Variants in KCNH2 observed in about 807,000 individuals in gnomAD.
KCNH2 encodes the protein voltage-gated inwardly rectifying potassium channel KCNH2.
In KCNH2, 35 loss-of-function variants were observed where a neutral mutation model predicts 95.9. That is an observed-to-expected ratio of 0.37 (90% CI 0.28 to 0.48). KCNH2 has a LOEUF of 0.48. Among genes scored for constraint, KCNH2 ranks in the 20% least tolerant of loss-of-function variants. The pLI, the probability that KCNH2 is intolerant of heterozygous loss-of-function variation, is 0.99. For missense variants in KCNH2, 1,274 were observed against 1,702.9 expected (o/e 0.75, Z 4.43); for synonymous variants, 786 against 754.7 (o/e 1.04, Z -0.68).
chr7:150,965,540 T>C (rs1296736280), intron 2 of KCNH2, among the ~76,000 whole-genome samples: 1 of 152,056 alleles, frequency 6.6e-6, no homozygotes, highest in African/African-American at 2.4e-5. Flanking sequence ...TCCCGGGCAG[T>C]TGCGCCCCAG....
chr7:150,956,294 G>T (rs1346430620), intron 5 of KCNH2, among the ~76,000 whole-genome samples: 2 of 152,314 alleles, frequency 1.3e-5, no homozygotes, highest in East Asian at 3.9e-4. Context: ...TGGAGTCAAG[G>T]CCAGTGGGCT....
Position 150,951,222 on chromosome 7 carries a change from C to T in KCNH2, c.1946-102G>A, listed in dbSNP as rs1039561682. On this transcript the variant is annotated intron_variant, in intron 7 of 14. Coordinates refer to ENST00000262186, the MANE Select transcript of KCNH2 (RefSeq NM_000238.4). Reference sequence around the variant, plus strand: ...CACCAGGTCAGTGTCTCAGTCTCAGCGTCGACATGCCCACGAGACGCCCTT... The same window carrying T: ...CACCAGGTCAGTGTCTCAGTCTCAGTGTCGACATGCCCACGAGACGCCCTT... 27 of 1,106,668 alleles carry T rather than the reference C, an allele frequency of 2.4e-5. No individual in the cohort carries two copies. In the Admixed American group the frequency reaches 4.0e-4, roughly 17 times the overall value. The allele number at this position is 1,106,668 out of a possible 1,614,324, so 68.6% of individuals were successfully genotyped here.
chr7:150,974,594 C>G (rs936681300), intron 2 of KCNH2, 117 bp downstream of exon 2: 1 of 875,772 alleles, frequency 1.1e-6, no homozygotes, highest in Non-Finnish European at 1.7e-6. Context: ...TGCCCGGGCT[C>G]GGGGCGTTCT....
intron 1 of KCNH2, 120 bp from the exon 2 acceptor site, chr7:150,975,061 G>A (rs1213289902): frequency 3.0e-5 from 24 of 797,974 alleles, no homozygotes; most frequent in African/African-American, 6.7e-5. Flanking sequence ...AGGAAGCATG[G>A]CTGGGACTGG....
intron 2 of KCNH2, 146 bp from the exon 3 acceptor site, chr7:150,959,882 T>A: frequency 1.1e-6 from 1 of 908,860 alleles, no homozygotes; most frequent in South Asian, 1.4e-5. Flanking sequence ...CCCGTCCTGA[T>A]CCCCCACCCG....
chr7:150,953,649 CCGGTGACAGCAGGCACGTCCCT>C (rs1468005211), intron 5 of KCNH2, among the ~76,000 whole-genome samples: 1 of 152,178 alleles, frequency 6.6e-6, no homozygotes, highest in Non-Finnish European at 1.5e-5. Context: ...CCATCCGGAC[CCGGTGACAGCAGGCACGTCCCT>C]CTTGCTCCCA....
At chr7:150,957,627 C>T (rs551498846) in intron 4 of KCNH2, 125 bp from the exon 5 acceptor site, 17 of 743,144 alleles carry the variant, frequency 2.3e-5, no homozygotes, top group Non-Finnish European at 3.6e-5. Flanking sequence ...GCTCAAGAGA[C>T]CAGGGGAGTC....
intron 5 of KCNH2, among the ~76,000 whole-genome samples, chr7:150,954,101 C>CG (rs1163978031): frequency 6.6e-6 from 1 of 152,176 alleles, no homozygotes; most frequent in Non-Finnish European, 1.5e-5. Flanking sequence ...GGGCCTCCAG[C>CG]GGTACCAGAT....
intron 8 of KCNH2, among the ~76,000 whole-genome samples, chr7:150,950,702 G>A (rs968917183): frequency 5.9e-5 from 9 of 152,278 alleles, no homozygotes; most frequent in East Asian, 5.8e-4. Flanking sequence ...TAACCCCATC[G>A]CCTATGTGAC....
At chr7:150,976,014 G>A (rs1011122205) in intron 1 of KCNH2, among the ~76,000 whole-genome samples, 2 of 152,264 alleles carry the variant, frequency 1.3e-5, no homozygotes, top group Non-Finnish European at 2.9e-5. Context: ...CGGAGAGCCA[G>A]GCTGGCGAGT....
chr7:150,958,022 G>T (rs1391860176), intron 4 of KCNH2, 37 bp downstream of exon 4: 5 of 1,267,728 alleles, frequency 3.9e-6, no homozygotes, highest in Non-Finnish European at 5.0e-6. Flanking sequence ...CAGAAGAAGC[G>T]TGGGCTGGGG....
chr7:150,947,301 C>A, intron 13 of KCNH2, 27 bp downstream of exon 13: 1 of 1,523,422 alleles, frequency 6.6e-7, no homozygotes, highest in Non-Finnish European at 8.8e-7. Flanking sequence ...CAGGGCGTGC[C>A]CCCCCACCCC....
rs1206481242 is a variant in KCNH2, at chr7:150,946,469, C to A, written c.3330+408G>T. 6.6e-6 allele frequency among the ~76,000 whole-genome samples: 1 copy of A among 152,198 alleles called. No homozygotes were observed. The highest frequency in any genetic ancestry group is 2.4e-5 in the African/African-American group (1 of 41,444). ...GGACCCGGGACCCTGTCCCTAGATA[C>A]TCTGGTATGCAGCCTCCACCGCCAC... On this transcript the variant is annotated intron_variant, in intron 14 of 14. Coordinates refer to ENST00000262186, the MANE Select transcript of KCNH2 (RefSeq NM_000238.4). The surrounding 1 kb of genome is among the most constrained non-coding windows in gnomAD (Gnocchi z 6.5).
chr7:150,958,177 G>T lies in KCNH2; in HGVS notation c.798C>A (p.Ser266Arg). The T allele has an allele frequency of 7.4e-7, 1 of 1,355,664 alleles. No individual in the cohort carries two copies. Among genetic ancestry groups the T allele is most frequent in the Non-Finnish European group, 9.5e-7 (1 of 1,056,388 alleles). 84.0% of individuals were successfully genotyped at this position (1,355,664 alleles called of 1,614,324 possible). A position where few individuals can be genotyped will look rare whatever the true frequency, so the allele number is the denominator to read the frequency against. The stretch of plus-strand genomic sequence containing the variant: ...TTTCTCGGGAGCGCGTCCGGGCCAG[G>T]CTGCAGCTGGAGCCCGAGGCGTCGG... ...LNPDASGSSC[S>R]LARTRSRESC... The change falls in exon 4 of 15, where the codon AGC becomes AGA. Residue 266 changes from serine (S) to arginine (R), a missense_variant. Transcript: ENST00000262186.
Position 150,947,728 on chromosome 7 carries a change from C to A in KCNH2, c.2843G>T (p.Arg948Leu). 6.4e-7 allele frequency: 1 copy of A among 1,565,006 alleles called. No homozygotes were observed. The highest frequency in any genetic ancestry group is 8.6e-7 in the Non-Finnish European group (1 of 1,158,134). The change falls in exon 12 of 15, where the codon CGC becomes CTC. Residue 948 changes from arginine (R) to leucine (L), a missense_variant. Physicochemically the swap from Arg to Leu is moderately radical, Grantham distance 102. Coordinates refer to ENST00000262186, the MANE Select transcript of KCNH2 (RefSeq NM_000238.4). ...PESSEDEGPG[R>L]SSSPLRLVPF... ...CACCAGGCGGAGGGGGCTGGAGCTG[C>A]GGCCTGGGCCCTCATCCTCACTGCT...
At position 150,952,336 on chromosome 7, in the gene KCNH2, C is replaced by G. The variant is rs922682953; in HGVS notation, c.1557+89G>C. ...TCTCTCTCTCTCTCTTTTTCTCTGT[C>G]CTCCTCGCCACCCCCTCCACCCCAC... On this transcript the variant is annotated intron_variant, in intron 6 of 14. Coordinates refer to ENST00000262186, the MANE Select transcript of KCNH2 (RefSeq NM_000238.4). This position sits in a 1 kb window ranked among gnomAD's most constrained non-coding sequence, Gnocchi z 7.3. The G allele has an allele frequency of 5.7e-6, 7 of 1,238,912 alleles. No individual in the cohort carries two copies. Among genetic ancestry groups the G allele is most frequent in the Non-Finnish European group, 8.0e-6 (7 of 870,704 alleles). 76.7% of individuals were successfully genotyped at this position (1,238,912 alleles called of 1,614,324 possible).
intron 5 of KCNH2, among the ~76,000 whole-genome samples, chr7:150,954,284 A>C (rs543656213): frequency 6.6e-6 from 1 of 152,070 alleles, no homozygotes; most frequent in East Asian, 1.9e-4. Context: ...AAAAAAAAGA[A>C]AACACTGGCC....
chr7:150,969,691 A>C (rs1057425880), intron 2 of KCNH2, among the ~76,000 whole-genome samples: 9 of 152,304 alleles, frequency 5.9e-5, no homozygotes, highest in African/African-American at 2.2e-4. Flanking sequence ...CAGATACAAC[A>C]GAGAACAAAG....
Position 150,947,631 on chromosome 7 carries a change from G to C in KCNH2, c.2940C>G (p.Ser980Arg). The C allele has an allele frequency of 6.2e-7, 1 of 1,612,502 alleles. No individual in the cohort carries two copies. Among genetic ancestry groups the C allele is most frequent in the South Asian group, 1.1e-5 (1 of 90,796 alleles). Residue 980 changes from serine to arginine, a missense_variant, in exon 12 of 15, where the codon AGC (serine) becomes AGG (arginine). Around this residue, in one of 7 missense-constraint regions of KCNH2, gnomAD observed 457 missense variants for 416.1 expected, o/e 1.10. Transcript: ENST00000262186. ...CTGACAGGGGGTTGCAAGTGTCGCTGCTCTTCTCGCAGTCCTCCATCAGGG... is the reference window on the plus strand; with the variant it reads ...CTGACAGGGGGTTGCAAGTGTCGCTCCTCTTCTCGCAGTCCTCCATCAGGG... ...GEPLMEDCEK[S>R]SDTCNPLSGA...
Sources: allele counts gnomAD v4.1 joint callset (sites outside exome capture counted in the v4.1 genomes callset), GRCh38; gene constraint gnomAD v4.1.1; regional missense constraint gnomAD v4.1.1; non-coding constraint Gnocchi (gnomAD v3.1); transcripts MANE v1.5; gene names NCBI Gene and HGNC (gene_info 2026-07-23, HGNC 2026-07-21).